Variants in KIAA1549 observed in about 807,000 individuals in gnomAD.
KIAA1549 encodes the protein KIAA1549.
A neutral mutation model predicts 156.4 loss-of-function variants in KIAA1549; 70 were observed. That is an observed-to-expected ratio of 0.45 (90% CI 0.37 to 0.55). KIAA1549 has a LOEUF of 0.55. KIAA1549 is among the 20% of genes least tolerant of loss of function. The probability of loss-of-function intolerance (pLI) is 0.00; values close to 1 mark genes in which losing one functional copy is unlikely to be tolerated. For missense variants in KIAA1549, 2,428 were observed against 2,540.9 expected (o/e 0.96, Z 0.96); for synonymous variants, 1,103 against 1,066.4 (o/e 1.03, Z -0.67).
chr7:138,893,883 C>T (rs1338799859), intron 10 of KIAA1549, among the ~76,000 whole-genome samples: 1 of 152,202 alleles, frequency 6.6e-6, no homozygotes, highest in Admixed American at 6.5e-5. Context: ...CCAGCCTCGC[C>T]AACATGGCAA....
At chr7:138,867,861 G>A (rs575938105) in intron 15 of KIAA1549, 114 bp downstream of exon 15, 157 of 1,122,384 alleles carry the variant, frequency 1.4e-4, no homozygotes, top group East Asian at 7.6e-5. Flanking sequence ...CAGGCATCAG[G>A]CACTGATACC....
intron 1 of KIAA1549, among the ~76,000 whole-genome samples, chr7:138,978,772 A>C (rs756334887): frequency 6.6e-6 from 1 of 152,202 alleles, no homozygotes; most frequent in Non-Finnish European, 1.5e-5. Flanking sequence ...AGCAGTGTTC[A>C]GCAAAGCTCT....
chr7:138,922,746 A>G (rs1217632240), intron 1 of KIAA1549, among the ~76,000 whole-genome samples: 4 of 152,088 alleles, frequency 2.6e-5, no homozygotes, highest in African/African-American at 9.7e-5. Context: ...AGGGAAACAA[A>G]TAAATGTGAA....
chr7:138,839,954 A>T (rs1563043977), intron 19 of KIAA1549, among the ~76,000 whole-genome samples, 179 bp downstream of exon 19: 1 of 149,796 alleles, frequency 6.7e-6, no homozygotes, highest in Non-Finnish European at 1.5e-5. Flanking sequence ...CGCCTGGCTA[A>T]TTTTTTTTTG....
At position 138,917,918 on chromosome 7, in the gene KIAA1549, A is replaced by G; in HGVS notation, c.1708T>C (p.Phe570Leu). ...GTGTTTTTGTTTGCTATGACAGAGAAAGATGAGTCAAGGAGAATGCTGGTG... is the reference window on the plus strand; with the variant it reads ...GTGTTTTTGTTTGCTATGACAGAGAGAGATGAGTCAAGGAGAATGCTGGTG... ...VITSILLDSS[F>L]SVIANKNTPS... Residue 570 changes from phenylalanine to leucine, a missense_variant, in exon 2 of 20, where the codon TTC becomes CTC. By Grantham distance (22) the Phe-to-Leu change is conservative. Transcript: ENST00000422774. 1.3e-6 allele frequency: 2 copies of G among 1,598,862 alleles called. No individual in the cohort carries two copies. Among genetic ancestry groups the G allele is most frequent in the African/African-American group, 1.3e-5 (1 of 74,772 alleles).
intron 1 of KIAA1549, among the ~76,000 whole-genome samples, chr7:138,940,033 A>G (rs1813131718): frequency 3.9e-5 from 6 of 151,994 alleles, no homozygotes; most frequent in Admixed American, 3.9e-4. Context: ...TTTTTATTAT[A>G]CTTTAAGTTT....
In KIAA1549 at chr7:138,871,224, G is replaced by A. The variant is rs747587403; in HGVS notation, c.4484C>T (p.Pro1495Leu). Reference sequence around the variant, plus strand: ...GGAGGGGCGCTGGACGGGAGGTGCCGGGATCGGCTGCATGGCGATAAGCTG... The same window carrying A: ...GGAGGGGCGCTGGACGGGAGGTGCCAGGATCGGCTGCATGGCGATAAGCTG... ...KIQLIAMQPIPAPPVQRPSPA... is the reference protein window; with the variant it reads ...KIQLIAMQPILAPPVQRPSPA... Residue 1495 changes from proline (P) to leucine (L), a missense_variant, in exon 13 of 20, where the codon CCG becomes CTG. By Grantham distance (98) the Pro-to-Leu change is moderately conservative (BLOSUM62 -3). This residue lies in a region of KIAA1549 where 404 missense variants were observed against 417.0 expected (regional missense o/e 0.97). Coordinates refer to ENST00000422774, the MANE Select transcript of KIAA1549 (RefSeq NM_001164665.2). 61 of 1,613,096 alleles carry A rather than the reference G, an allele frequency of 3.8e-5. No individual in the cohort carries two copies. In the South Asian group the frequency reaches 5.7e-4, roughly 15 times the overall value.
rs918753452 is a variant in KIAA1549 at position 138,840,250 on chromosome 7, C to T, written c.5481G>A (p.Val1827=). ...TGSQIQHLTQ[V]GIASRIGAQP... is the part of the protein sequence containing the mutation. The stretch of plus-strand genomic sequence containing the variant: ...GAGCTCCAATTCTGCTGGCAATCCC[C>T]ACCTGTGTCAGGTGCTGGATCTGGG... Residue 1827 remains valine, a synonymous_variant, in exon 19 of 20, where the codon GTG becomes GTA. Coordinates refer to ENST00000422774, the MANE Select transcript of KIAA1549 (RefSeq NM_001164665.2). The T allele has an allele frequency of 1.3e-6, 2 of 1,595,744 alleles. No individual in the cohort carries two copies. The highest frequency in any genetic ancestry group is 1.3e-5 in the African/African-American group (1 of 74,744).
intron 10 of KIAA1549, among the ~76,000 whole-genome samples, chr7:138,884,211 C>A (rs941155087): frequency 1.3e-5 from 2 of 151,840 alleles, no homozygotes; most frequent in Non-Finnish European, 2.9e-5. Flanking sequence ...GAAGGTAGCA[C>A]CCCCACGGAG....
rs535108551 is a variant in KIAA1549, at chr7:138,894,473, C to T, written c.3901G>A (p.Val1301Ile). Residue 1301 changes from valine (V) to isoleucine (I), a missense_variant, in exon 10 of 20, where the codon GTC (valine) becomes ATC (isoleucine). Val to Ile is a conservative substitution (Grantham distance 29, BLOSUM62 3). Around this residue, in one of 5 missense-constraint regions of KIAA1549, gnomAD observed 762 missense variants for 901.6 expected, o/e 0.85. Transcript: ENST00000422774. ...ACTGGGATGACCACGCCAACAATGA[C>T]CCACAAGTTGTTGCTCTGGGATTCC... ...SPESQSNNLW[V>I]IVGVVIPVLV... is the part of the protein sequence containing the mutation. 3.1e-6 allele frequency: 5 copies of T among 1,613,914 alleles called. No homozygotes were observed. Among genetic ancestry groups the T allele is most frequent in the Non-Finnish European group, 3.4e-6 (4 of 1,179,896 alleles).
At chr7:138,948,859 T>C (rs1813410455) in intron 1 of KIAA1549, among the ~76,000 whole-genome samples, 1 of 151,920 alleles carries the variant, frequency 6.6e-6, no homozygotes, top group Admixed American at 6.6e-5. Flanking sequence ...TGTGCCACCA[T>C]GCCTGGCTAA....
At position 138,840,188 on chromosome 7, in the gene KIAA1549, T is replaced by A; in HGVS notation, c.5543A>T (p.Tyr1848Phe). ...VEIPPSRGSQ[Y>F]GGPGWPSYGE... The stretch of plus-strand genomic sequence containing the variant: ...GTACGAAGGCCAGCCTGGCCCCCCA[T>A]ACTGGCTGCCTCTGCTTGGCGGGAT... Residue 1848 changes from tyrosine to phenylalanine, a missense_variant, in exon 19 of 20, where the codon TAT (tyrosine) becomes TTT (phenylalanine). Transcript: ENST00000422774. The A allele has an allele frequency of 6.4e-7, 1 of 1,565,080 alleles. No homozygotes were observed. The highest frequency in any genetic ancestry group is 8.7e-7 in the Non-Finnish European group (1 of 1,154,628).
intron 15 of KIAA1549, among the ~76,000 whole-genome samples, chr7:138,862,330 A>C (rs1810609695): frequency 6.6e-6 from 1 of 151,888 alleles, no homozygotes; most frequent in Non-Finnish European, 1.5e-5. Context: ...CAAGACCCCC[A>C]TCTTTACAAA....
intron 10 of KIAA1549, among the ~76,000 whole-genome samples, chr7:138,887,991 T>G (rs760333197): frequency 1.3e-5 from 2 of 152,192 alleles, no homozygotes; most frequent in African/African-American, 2.4e-5. Flanking sequence ...CAGTGAGAAA[T>G]GCCAAGGGCA....
In KIAA1549 at chr7:138,981,297, G is replaced by A. The variant is rs2130588054; in HGVS notation, c.-28C>T. 10 of 925,212 alleles carry A rather than the reference G, an allele frequency of 1.1e-5. No homozygotes were observed. The highest frequency in any genetic ancestry group is 1.3e-5 in the Non-Finnish European group (10 of 777,972). The allele number at this position is 925,212 out of a possible 1,614,324, so 57.3% of individuals were successfully genotyped here. A position where few individuals can be genotyped will look rare whatever the true frequency, so the allele number is the denominator to read the frequency against. On this transcript the variant is annotated 5_prime_UTR_variant, in exon 1 of 20. Transcript: ENST00000422774. The surrounding 1 kb of genome is among the most constrained non-coding windows in gnomAD (Gnocchi z 4.5). ...CCGGCCGGCGCCCCGGCCCGGCCTC[G>A]CGGCTCAGCGGCTCTCGGGTCCGGG...
Position 138,915,327 on chromosome 7 carries a change from T to C in KIAA1549, c.2878+1421A>G, listed in dbSNP as rs75175510. On this transcript the variant is annotated intron_variant, in intron 2 of 19. Transcript: ENST00000422774. ...TACCACCCTCTAGGCCCTGAGCTGCTCACAGGAGGGCCGTGTCTTACCCAT... is the reference window on the plus strand; with the variant it reads ...TACCACCCTCTAGGCCCTGAGCTGCCCACAGGAGGGCCGTGTCTTACCCAT... Among the ~76,000 whole-genome samples, 1,243 of 152,212 alleles carry C rather than the reference T, an allele frequency of 8.2e-3. 27 individuals carry two copies. Among genetic ancestry groups the C allele is most frequent in the East Asian group, 0.081 (417 of 5,178 alleles).
At chr7:138,932,756 C>T (rs1812907363) in intron 1 of KIAA1549, among the ~76,000 whole-genome samples, 2 of 152,122 alleles carry the variant, frequency 1.3e-5, no homozygotes, top group Admixed American at 1.3e-4. Context: ...TTTGGAAATG[C>T]AGCATCTCAG....
At position 138,868,090 on chromosome 7, in the gene KIAA1549, T is replaced by C. The variant is rs780633797; in HGVS notation, c.4814A>G (p.His1605Arg). The change falls in exon 15 of 20, where the codon CAC becomes CGC. Residue 1605 changes from histidine to arginine, a missense_variant. Transcript: ENST00000422774. ...IKRSPKPRRK[H>R]QVNGCPADAE... ...GTCGGCAGGACAGCCGTTGACCTGGTGTTTCCGGCGAGGCTTGGGAGAACG... is the reference window on the plus strand; with the variant it reads ...GTCGGCAGGACAGCCGTTGACCTGGCGTTTCCGGCGAGGCTTGGGAGAACG... 4 of 1,613,830 alleles carry C rather than the reference T, an allele frequency of 2.5e-6. No homozygotes were observed. The highest frequency in any genetic ancestry group is 3.4e-6 in the Non-Finnish European group (4 of 1,179,834).
chr7:138,865,713 G>C (rs899396130), intron 15 of KIAA1549, among the ~76,000 whole-genome samples: 2 of 152,152 alleles, frequency 1.3e-5, no homozygotes, highest in African/African-American at 2.4e-5. Context: ...AGGAAAAAAG[G>C]AAGAAAACGA....
Sources: allele counts gnomAD v4.1 joint callset (sites outside exome capture counted in the v4.1 genomes callset), GRCh38; gene constraint gnomAD v4.1.1; regional missense constraint gnomAD v4.1.1; non-coding constraint Gnocchi (gnomAD v3.1); transcripts MANE v1.5; gene names NCBI Gene and HGNC (gene_info 2026-07-23, HGNC 2026-07-21).